Variants in SLC15A5 observed in about 807,000 individuals in gnomAD.
SLC15A5 encodes Peptide/histidine transporter ENSP00000340402.
SLC15A5 carries 58 observed loss-of-function variants against 56.1 expected under a neutral mutation model. The ratio of observed to expected loss-of-function variants is 1.03; its 90% CI spans 0.84 to 1.29. SLC15A5 has a LOEUF of 1.29. Among genes scored for constraint, SLC15A5 ranks in the 50% most tolerant of loss-of-function variants. SLC15A5 has a pLI of 0.00. For synonymous variants in SLC15A5, 264 were observed against 250.5 expected (o/e 1.05, Z -0.51); for missense variants, 681 against 672.1 (o/e 1.01, Z -0.15).
At chr12:16,218,125 T>C (rs992876390) in intron 6 of SLC15A5, among the ~76,000 whole-genome samples, 1 of 151,900 alleles carries the variant, frequency 6.6e-6, no homozygotes, top group African/African-American at 2.4e-5. Context: ...TGAATGAGAG[T>C]AGAAATGAAA....
intron 2 of SLC15A5, among the ~76,000 whole-genome samples, chr12:16,265,729 C>G (rs4110096): frequency 0.44 from 66,887 of 152,066 alleles, 15,426 homozygotes; most frequent in Middle Eastern, 0.51. Flanking sequence ...GCAATCCACC[C>G]GCTTTGGCCT....
In SLC15A5 at chr12:16,237,087, A is replaced by T. The variant is rs920285663; in HGVS notation, c.1162+2594T>A. On this transcript the variant is annotated intron_variant, in intron 5 of 8. Coordinates refer to ENST00000344941, the MANE Select transcript of SLC15A5 (RefSeq NM_001170798.1). This position sits in a 1 kb window ranked among gnomAD's most constrained non-coding sequence, Gnocchi z 4.1. ...AAATATATGTTCATTCATAATTCAT[A>T]TACCTATATACTTCACCCACATTTT... 2.6e-5 allele frequency among the ~76,000 whole-genome samples: 4 copies of T among 152,272 alleles called. No homozygotes were observed. The highest frequency in any genetic ancestry group is 4.4e-5 in the Non-Finnish European group (3 of 68,016).
At chr12:16,192,489 T>C (rs905759383) in intron 8 of SLC15A5, among the ~76,000 whole-genome samples, 7 of 152,100 alleles carry the variant, frequency 4.6e-5, no homozygotes, top group Non-Finnish European at 5.9e-5. Context: ...TCTCACTTCT[T>C]TACAGGAACT....
chr12:16,233,459 A>G (rs1006852663), intron 5 of SLC15A5, among the ~76,000 whole-genome samples: 2 of 152,198 alleles, frequency 1.3e-5, no homozygotes, highest in African/African-American at 2.4e-5. Context: ...GGTGTTTTCT[A>G]TTATCAAATC....
intron 3 of SLC15A5, among the ~76,000 whole-genome samples, chr12:16,248,525 C>G (rs1023217080): frequency 4.6e-5 from 7 of 151,918 alleles, no homozygotes; most frequent in African/African-American, 1.7e-4. Context: ...TGAGAGAGAC[C>G]CAGTAAGTCA....
chr12:16,258,633 AGT>A (rs768494104), intron 2 of SLC15A5, among the ~76,000 whole-genome samples: 8 of 152,176 alleles, frequency 5.3e-5, no homozygotes, highest in Non-Finnish European at 8.8e-5. Flanking sequence ...AGTTTTTTTA[AGT>A]GTTTCAGTTG....
intron 8 of SLC15A5, among the ~76,000 whole-genome samples, chr12:16,193,788 A>C (rs937359756): frequency 0.072 from 1,097 of 15,184 alleles, 128 homozygotes; most frequent in Non-Finnish European, 0.087. Context: ...GGGGAGAGAG[A>C]GAGAGAGAGA....
chr12:16,209,243 T>C (rs1422757387), intron 7 of SLC15A5, among the ~76,000 whole-genome samples: 1 of 152,090 alleles, frequency 6.6e-6, no homozygotes, highest in Admixed American at 6.5e-5. Flanking sequence ...TGAATATACA[T>C]ATGTGCATAT....
intron 7 of SLC15A5, among the ~76,000 whole-genome samples, chr12:16,208,884 C>A (rs902786753): frequency 2.0e-5 from 3 of 152,086 alleles, no homozygotes; most frequent in African/African-American, 7.2e-5. Context: ...ACCTGAAATT[C>A]AAATTTAACT....
chr12:16,221,824 T>C (rs1295180761), intron 6 of SLC15A5, among the ~76,000 whole-genome samples: 4 of 151,972 alleles, frequency 2.6e-5, no homozygotes, highest in African/African-American at 9.7e-5. Flanking sequence ...GTGGCCAGAT[T>C]TAAGTTATAT....
chr12:16,239,851 T>A lies in SLC15A5; in HGVS notation c.992A>T (p.Tyr331Phe), dbSNP rs1189530322. Reference protein sequence around the residue: ...MCIMQIPSGYYLQTMNSNLNL... With the variant: ...MCIMQIPSGYFLQTMNSNLNL... ...CAGGTTGGAATTCATAGTTTGCAGA[T>A]AATATCCTGAAGGAATCTGTATTCG... Residue 331 changes from tyrosine (Y) to phenylalanine (F), a missense_variant, in exon 5 of 9, where the codon TAT becomes TTT. Coordinates refer to ENST00000344941, the MANE Select transcript of SLC15A5 (RefSeq NM_001170798.1). 4.6e-6 allele frequency: 7 copies of A among 1,536,942 alleles called. No individual in the cohort carries two copies. The highest frequency in any genetic ancestry group is 5.2e-6 in the Non-Finnish European group (6 of 1,146,812).
chr12:16,221,498 C>T (rs1864187799), intron 6 of SLC15A5, among the ~76,000 whole-genome samples: 1 of 152,164 alleles, frequency 6.6e-6, no homozygotes, highest in South Asian at 2.1e-4. Context: ...AATCTAGCAT[C>T]TTAGAAACAC....
intron 2 of SLC15A5, among the ~76,000 whole-genome samples, chr12:16,265,285 G>T (rs1864682730): frequency 6.6e-6 from 1 of 152,148 alleles, no homozygotes; most frequent in South Asian, 2.1e-4. Context: ...GAAGTGGATA[G>T]ATATGTGATA....
chr12:16,194,505 T>C, intron 7 of SLC15A5, 52 bp from the exon 8 acceptor site: 5 of 1,250,508 alleles, frequency 4.0e-6, no homozygotes, highest in Non-Finnish European at 5.6e-6. Flanking sequence ...TAAGTTTCTG[T>C]GAATATTTTA....
rs763515940 is a variant in SLC15A5 at position 16,193,780 on chromosome 12, G to GGAGCGAGAGAGAGAGA, written c.1592+564_1592+565insTCTCTCTCTCTCGCTC. On this transcript the variant is annotated intron_variant, in intron 8 of 8. Coordinates refer to ENST00000344941, the MANE Select transcript of SLC15A5 (RefSeq NM_001170798.1). ...ACAGCTGTCCAAGAATATGTCAAGGGGAGAGAGAGAGAGAGAGAGAGAGAG... is the reference window on the plus strand; with the variant it reads ...ACAGCTGTCCAAGAATATGTCAAGGGGAGCGAGAGAGAGAGAGAGAGAGAGAGAGAGAGAGAGAGAG... 5.7e-4 allele frequency among the ~76,000 whole-genome samples: 43 copies of GGAGCGAGAGAGAGAGA among 75,774 alleles called. 11 individuals are homozygous for GGAGCGAGAGAGAGAGA. Among genetic ancestry groups the GGAGCGAGAGAGAGAGA allele is most frequent in the East Asian group, 2.0e-3 (4 of 2,034 alleles). The allele number at this position is 75,774 out of a possible 152,430, so 49.7% of individuals were successfully genotyped here.
chr12:16,250,514 G>A (rs61915933), intron 3 of SLC15A5, among the ~76,000 whole-genome samples: 8,126 of 151,998 alleles, frequency 0.053, 294 homozygotes, highest in African/African-American at 0.094. Context: ...AATATGTTAC[G>A]AATTAAGGTC....
intron 3 of SLC15A5, among the ~76,000 whole-genome samples, chr12:16,248,054 G>T (rs1173571247): frequency 6.6e-6 from 1 of 152,044 alleles, no homozygotes; most frequent in African/African-American, 2.4e-5. Flanking sequence ...GGGTGAAGAA[G>T]TGAGAAAATT....
At chr12:16,205,631 A>G (rs1864012034) in intron 7 of SLC15A5, among the ~76,000 whole-genome samples, 1 of 145,926 alleles carries the variant, frequency 6.9e-6, no homozygotes, top group Non-Finnish European at 1.5e-5. Flanking sequence ...ACATATATAT[A>G]TACACATATA....
chr12:16,194,452 G>A lies in SLC15A5; in HGVS notation c.1485C>T (p.Gly495=). 1.3e-6 allele frequency: 2 copies of A among 1,525,236 alleles called. No individual in the cohort carries two copies. Among genetic ancestry groups the A allele is most frequent in the African/African-American group, 1.4e-5 (1 of 72,810 alleles). The allele number at this position is 1,525,236 out of a possible 1,614,324, so 94.5% of individuals were successfully genotyped here. The change falls in exon 8 of 9, where the codon GGC becomes GGT. Residue 495 remains glycine, a splice_region_variant and synonymous_variant. Coordinates refer to ENST00000344941, the MANE Select transcript of SLC15A5 (RefSeq NM_001170798.1). ...TGTTTAATGTGTTTGGAAACCAATT[G>A]CCTGTTTGGAACAAATGTAATTGTT... ...LVKLVYLISD[G]NWFPNTLNKG...
Sources: gnomAD v4.1 joint callset for allele counts (sites outside exome capture counted in the v4.1 genomes callset) on GRCh38, gnomAD v4.1.1 for gene constraint, Gnocchi (gnomAD v3.1) non-coding constraint, MANE v1.5 for transcripts, NCBI Gene and HGNC (gene_info 2026-07-23, HGNC 2026-07-21) for gene names.